The following SLC16A1 variants were observed in gnomAD, a reference collection of about 807,000 sequenced individuals.
SLC16A1 encodes the protein solute carrier family 16 member 1, also known as monocarboxylate transporter 1.
SLC16A1 carries 11 observed loss-of-function variants against 32.2 expected under a neutral mutation model. The observed-to-expected ratio is 0.34, with a 90% CI of 0.21 to 0.56. SLC16A1 has a LOEUF of 0.56. Among genes scored for constraint, SLC16A1 ranks in the 20% least tolerant of loss-of-function variants. The pLI is 0.87. For missense variants in SLC16A1, 435 were observed against 615.0 expected, an observed-to-expected ratio of 0.71 and a Z score of 3.10; for synonymous variants, 231 against 226.8, an observed-to-expected ratio of 1.02 and a Z score of -0.17.
intron 3 of SLC16A1, among the ~76,000 whole-genome samples, chr1:112,919,011 T>TTTTATTTATTTATTTA (rs55675593): frequency 0.071 from 10,246 of 144,212 alleles, 424 homozygotes; most frequent in East Asian, 0.1. Context: ...TACTAATTTA[T>TTTTATTTATTTATTTA]TTTATTTATT....
chr1:112,949,356 A>G (rs1039997014), intron 1 of SLC16A1, among the ~76,000 whole-genome samples: 2 of 151,950 alleles, frequency 1.3e-5, no homozygotes, highest in Admixed American at 6.6e-5. Context: ...GCCTCAAAGG[A>G]AAATTATTAT....
intron 3 of SLC16A1, among the ~76,000 whole-genome samples, chr1:112,920,740 C>T (rs940464828): frequency 1.1e-4 from 16 of 151,950 alleles, no homozygotes. Context: ...GGATGACATA[C>T]AAGATGGAAA....
rs189134198 is a variant in SLC16A1 at position 112,932,564 on chromosome 1, G to A, written c.-44-3212C>T. On this transcript the variant is annotated intron_variant, in intron 1 of 4. Coordinates refer to ENST00000369626, the MANE Select transcript of SLC16A1 (RefSeq NM_003051.4). ...ACACCTGTAATCCCCAGCACTTTGG[G>A]AGGCTGAGGCGGGCGGATCACAAGG... Among the ~76,000 whole-genome samples the A allele has an allele frequency of 3.5e-4, 54 of 152,154 alleles. No individual in the cohort carries two copies. The East Asian group carries it at 0.01, about 28-fold the overall frequency.
chr1:112,949,232 A>G (rs1447560058), intron 1 of SLC16A1, among the ~76,000 whole-genome samples: 1 of 152,016 alleles, frequency 6.6e-6, no homozygotes, highest in Non-Finnish European at 1.5e-5. Flanking sequence ...TATTTTTAGT[A>G]AAGACAGGGT....
At chr1:112,955,240 T>C (rs1480619959) in intron 1 of SLC16A1, 1 of 151,184 alleles carries the variant, frequency 6.6e-6, no homozygotes, top group Non-Finnish European at 1.5e-5. Context: ...AGTAATAAAA[T>C]GTTAAAACGC....
chr1:112,924,041 C>A, intron 2 of SLC16A1: 1 of 1,293,710 alleles, frequency 7.7e-7, no homozygotes, highest in African/African-American at 1.5e-5. Flanking sequence ...GGGCAGAGAT[C>A]TACAGGAATC....
chr1:112,921,140 CAA>C (rs11352959), intron 3 of SLC16A1, among the ~76,000 whole-genome samples: 31 of 88,466 alleles, frequency 3.5e-4, no homozygotes, highest in South Asian at 4.4e-4. Flanking sequence ...GACTCCGTCT[CAA>C]AAAAAAAAAA....
At chr1:112,914,897 T>C (rs369073716) in intron 4 of SLC16A1, among the ~76,000 whole-genome samples, 7 of 152,248 alleles carry the variant, frequency 4.6e-5, no homozygotes, top group South Asian at 2.1e-4. Flanking sequence ...AGTCTGGTAG[T>C]AAAGAACCCT....
At chr1:112,954,171 A>G (rs898756525) in intron 1 of SLC16A1, among the ~76,000 whole-genome samples, 2 of 152,338 alleles carry the variant, frequency 1.3e-5, no homozygotes, top group South Asian at 2.1e-4. Flanking sequence ...CTATGTAGGC[A>G]TTTACGCAGA....
chr1:112,927,292 A>T (rs1015252263), intron 2 of SLC16A1, among the ~76,000 whole-genome samples: 4 of 148,160 alleles, frequency 2.7e-5, no homozygotes, highest in African/African-American at 7.5e-5. Context: ...TTTCATGTTT[A>T]AAAAAAAAAG....
At chr1:112,940,988 T>C (rs10776763) in intron 1 of SLC16A1, among the ~76,000 whole-genome samples, 53,569 of 151,894 alleles carry the variant, frequency 0.35, 9,878 homozygotes, top group East Asian at 0.64. Flanking sequence ...AAACTTTGGG[T>C]ACACATGGAC....
Position 112,917,562 on chromosome 1 carries a change from C to A in SLC16A1, c.844G>T (p.Val282Leu), listed in dbSNP as rs769241493. Reference sequence around the variant, plus strand: ...CTCTTCCCATAACTACTAAGAAACACCAAAGGTGCAAAGAGTCCAAAAAAC... The same window carrying A: ...CTCTTCCCATAACTACTAAGAAACAACAAAGGTGCAAAGAGTCCAAAAAAC... Reference protein sequence around the residue: ...IMFFGLFAPLVFLSSYGKSQH... With the variant: ...IMFFGLFAPLLFLSSYGKSQH... The change falls in exon 4 of 5, where the codon GTG becomes TTG. Residue 282 changes from valine (V) to leucine (L), a missense_variant. By Grantham distance (32) the Val-to-Leu change is conservative (BLOSUM62 1). This residue lies in a region of SLC16A1 where 324 missense variants were observed against 500.3 expected (regional missense o/e 0.65). Coordinates refer to ENST00000369626, the MANE Select transcript of SLC16A1 (RefSeq NM_003051.4). The surrounding 1 kb of genome is among the most constrained non-coding windows in gnomAD (Gnocchi z 4.1). The A allele has an allele frequency of 6.2e-7, 1 of 1,614,180 alleles. No individual in the cohort carries two copies. The highest frequency in any genetic ancestry group is 1.1e-5 in the South Asian group (1 of 91,076).
chr1:112,921,855 T>C lies in SLC16A1; in HGVS notation c.361+135A>G, dbSNP rs1267029614. The C allele has an allele frequency of 2.8e-6, 3 of 1,056,818 alleles. No homozygotes were observed. The African/African-American group carries it at 4.8e-5, about 17-fold the overall frequency. The allele number at this position is 1,056,818 out of a possible 1,614,324, so 65.5% of individuals were successfully genotyped here. On this transcript the variant is annotated intron_variant, in intron 3 of 4. Transcript: ENST00000369626. ...TTTGCTTTTCTAGTACTTTTATCTC[T>C]AGTTCTTCAAAATGATAATCAAGTC... is the stretch of plus-strand genomic sequence containing the variant.
chr1:112,916,166 A>G (rs898052733), intron 4 of SLC16A1, among the ~76,000 whole-genome samples: 3 of 103,788 alleles, frequency 2.9e-5, no homozygotes, highest in African/African-American at 4.0e-5. Context: ...TGCTACTGAA[A>G]TAAACTTTTT....
chr1:112,917,332 G>C lies in SLC16A1; in HGVS notation c.1074C>G (p.Val358=). ...PLSTTYVGFC[V]YAGFFGFAFG... Reference sequence around the variant, plus strand: ...AGGCAAATCCAAAGAATCCCGCATAGACACAGAATCCAACATAGGTAGTGG... The same window carrying C: ...AGGCAAATCCAAAGAATCCCGCATACACACAGAATCCAACATAGGTAGTGG... Residue 358 remains valine (V), a synonymous_variant, in exon 4 of 5, where the codon GTC becomes GTG. Coordinates refer to ENST00000369626, the MANE Select transcript of SLC16A1 (RefSeq NM_003051.4). This position sits in a 1 kb window ranked among gnomAD's most constrained non-coding sequence, Gnocchi z 4.1. 1 of 1,614,184 alleles carries C rather than the reference G, an allele frequency of 6.2e-7. No individual in the cohort carries two copies. The highest frequency in any genetic ancestry group is 2.2e-5 in the East Asian group (1 of 44,886).
Position 112,918,066 on chromosome 1 carries a change from AAATAAAT to A in SLC16A1, c.362-29_362-23del, listed in dbSNP as rs1233155712. On this transcript the variant is annotated intron_variant, in intron 3 of 4. Transcript: ENST00000369626. ...AGACCTGTGAAGACAATAAATAAAT[AAATAAAT>A]AAATAAATAAATAAATAAATAAATA... 1.6e-5 allele frequency: 15 copies of A among 914,764 alleles called. No homozygotes were observed. In the Admixed American group the frequency reaches 6.7e-4, roughly 41 times the overall value. 56.7% of individuals were successfully genotyped at this position (914,764 alleles called of 1,614,324 possible).
intron 1 of SLC16A1, among the ~76,000 whole-genome samples, chr1:112,943,779 C>T (rs1291141507): frequency 1.5e-5 from 2 of 130,532 alleles, no homozygotes; most frequent in Non-Finnish European, 3.1e-5. Flanking sequence ...CAGCATGAGA[C>T]TCCATCTCAA....
At chr1:112,936,369 A>G (rs1236973045) in intron 1 of SLC16A1, among the ~76,000 whole-genome samples, 3 of 150,082 alleles carry the variant, frequency 2.0e-5, no homozygotes, top group African/African-American at 4.9e-5. Flanking sequence ...TTAGCTGGGC[A>G]TGGCGGCAGG....
intron 2 of SLC16A1, 114 bp from the exon 3 acceptor site, chr1:112,922,247 GAA>G: frequency 1.0e-6 from 1 of 999,346 alleles, no homozygotes; most frequent in Non-Finnish European, 1.5e-6. Flanking sequence ...GCAATGATAA[GAA>G]TATTGTTTTC....
Sources: gnomAD v4.1 joint callset for allele counts (sites outside exome capture counted in the v4.1 genomes callset) on GRCh38, gnomAD v4.1.1 for gene constraint, gnomAD v4.1.1 regional missense constraint, Gnocchi (gnomAD v3.1) non-coding constraint, MANE v1.5 for transcripts, NCBI Gene and HGNC (gene_info 2026-07-23, HGNC 2026-07-21) for gene names.